MACF1: variants seen among roughly 807,000 people sequenced by gnomAD.
The protein encoded by MACF1 is microtubule actin crosslinking factor 1.
In MACF1, 193 loss-of-function variants were observed where a neutral mutation model predicts 854.8. The observed-to-expected ratio is 0.23, with a 90% CI of 0.20 to 0.25. The LOEUF (loss-of-function observed/expected upper bound fraction) is 0.25. Among genes scored for constraint, MACF1 ranks in the 10% least tolerant of loss-of-function variants. MACF1 has a pLI of 1.00. For missense variants in MACF1, 7,722 were observed against 8,929.1 expected (o/e 0.86, Z 5.45); for synonymous variants, 3,185 against 3,226.7 (o/e 0.99, Z 0.44).
intron 2 of MACF1, among the ~76,000 whole-genome samples, chr1:39,123,460 G>A (rs1557467877): frequency 6.6e-6 from 1 of 151,590 alleles, no homozygotes; most frequent in Non-Finnish European, 1.5e-5. Flanking sequence ...CACCCGCCTC[G>A]GCATCCCAAA....
At chr1:39,278,790 C>T (rs2148374243) in intron 6 of MACF1, among the ~76,000 whole-genome samples, 1 of 152,222 alleles carries the variant, frequency 6.6e-6, no homozygotes, top group South Asian at 2.1e-4. Flanking sequence ...TAGGAAGAGC[C>T]GTGATCCATT....
intron 58 of MACF1, among the ~76,000 whole-genome samples, chr1:39,417,231 C>T (rs917450704): frequency 2.6e-5 from 4 of 152,132 alleles, no homozygotes; most frequent in African/African-American, 9.7e-5. Context: ...GCCAAAAACT[C>T]GTTTGCTTTT....
chr1:39,111,039 A>C (rs996505843), intron 2 of MACF1, among the ~76,000 whole-genome samples: 3 of 152,104 alleles, frequency 2.0e-5, no homozygotes, highest in East Asian at 3.9e-4. Context: ...TCAGCTTCTG[A>C]TAATTATATA....
Position 39,435,777 on chromosome 1 carries a change from A to G in MACF1, c.17988+16A>G, listed in dbSNP as rs765025636. ...GTCCACACAGGTATGTGTGTGTCTG[A>G]CACTCATAACCTTGAATTGTCTACT... On this transcript the variant is annotated intron_variant, in intron 70 of 100. Coordinates refer to ENST00000564288, the MANE Select transcript of MACF1 (RefSeq NM_001394062.1). 3.7e-6 allele frequency: 6 copies of G among 1,611,424 alleles called. No individual in the cohort carries two copies. The highest frequency in any genetic ancestry group is 5.1e-6 in the Non-Finnish European group (6 of 1,177,770).
chr1:39,125,056 G>T (rs911553892), intron 2 of MACF1, among the ~76,000 whole-genome samples: 1 of 151,922 alleles, frequency 6.6e-6, no homozygotes, highest in South Asian at 2.1e-4. Flanking sequence ...GTCGTCTTTG[G>T]GCCTATTTCC....
At chr1:39,393,187 AAAAAAAAAAATATAT>A (rs1272557923) in intron 58 of MACF1, among the ~76,000 whole-genome samples, 4 of 100,572 alleles carry the variant, frequency 4.0e-5, no homozygotes, top group Admixed American at 9.8e-5. Flanking sequence ...AGGGTAAAAA[AAAAAAAAAAATATAT>A]ATATATATAT....
chr1:39,204,855 T>A lies in MACF1; in HGVS notation c.-168T>A. On this transcript the variant is annotated 5_prime_UTR_variant, in exon 1 of 101. Transcript: ENST00000564288. Reference sequence around the variant, plus strand: ...TCTACTAGCGCCTGCTGAAAAACAGTCAGAAGTGAGATGGAGGAGAAGCTG... The same window carrying A: ...TCTACTAGCGCCTGCTGAAAAACAGACAGAAGTGAGATGGAGGAGAAGCTG... 1 of 600,866 alleles carries A rather than the reference T, an allele frequency of 1.7e-6. No individual in the cohort carries two copies. Among genetic ancestry groups the A allele is most frequent in the Non-Finnish European group, 3.0e-6 (1 of 338,088 alleles). The allele number at this position is 600,866 out of a possible 1,614,324, so 37.2% of individuals were successfully genotyped here. A position where few individuals can be genotyped will look rare whatever the true frequency, so the allele number is the denominator to read the frequency against.
intron 2 of MACF1, among the ~76,000 whole-genome samples, chr1:39,130,235 CA>C (rs1217591189): frequency 1.3e-5 from 2 of 152,144 alleles, no homozygotes; most frequent in African/African-American, 2.4e-5. Context: ...TAAATATAGC[CA>C]ACACCCTAAT....
intron 2 of MACF1, among the ~76,000 whole-genome samples, chr1:39,195,340 C>T (rs1053311728): frequency 1.3e-5 from 2 of 152,118 alleles, no homozygotes; most frequent in African/African-American, 4.8e-5. Flanking sequence ...AGTGTGCACC[C>T]GCCCCCATTC....
chr1:39,316,191 A>T (rs777137598), intron 27 of MACF1, among the ~76,000 whole-genome samples, 200 bp from the exon 28 acceptor site: 26 of 152,220 alleles, frequency 1.7e-4, no homozygotes, highest in Admixed American at 6.5e-5. Context: ...AATGCCACTT[A>T]GAACTTTATT....
In MACF1 at chr1:39,442,188, G is replaced by A; in HGVS notation, c.18816G>A (p.Glu6272=). 1 of 1,600,508 alleles carries A rather than the reference G, an allele frequency of 6.2e-7. No homozygotes were observed. Among genetic ancestry groups the A allele is most frequent in the East Asian group, 2.2e-5 (1 of 44,792 alleles). Residue 6272 remains glutamate (E), a synonymous_variant, in exon 76 of 101, where the codon GAG becomes GAA. Transcript: ENST00000564288. ...TTTACCAACAGCAAATTGAGATGGA[G>A]AAGCTTAATCACCAGGGTGAACTGA... The part of the protein sequence containing the change: ...VEVYQQQIEM[E]KLNHQGELML...
intron 26 of MACF1, among the ~76,000 whole-genome samples, chr1:39,313,613 A>G (rs1256808541): frequency 6.6e-6 from 1 of 150,774 alleles, no homozygotes; most frequent in Admixed American, 6.6e-5. Flanking sequence ...TTATGTCAAT[A>G]TATACTCATG....
rs1456618937 is a variant in MACF1 at position 39,335,737 on chromosome 1, C to T, written c.9149C>T (p.Pro3050Leu). 6.2e-7 allele frequency: 1 copy of T among 1,613,778 alleles called. No homozygotes were observed. Among genetic ancestry groups the T allele is most frequent in the African/African-American group, 1.3e-5 (1 of 74,900 alleles). The change falls in exon 37 of 101, where the codon CCT (proline) becomes CTT (leucine). Residue 3050 changes from proline to leucine, a missense_variant. By Grantham distance (98) the Pro-to-Leu change is moderately conservative (BLOSUM62 -3). Around this residue, in one of 15 missense-constraint regions of MACF1, gnomAD observed 854 missense variants for 852.6 expected, o/e 1.00. Coordinates refer to ENST00000564288, the MANE Select transcript of MACF1 (RefSeq NM_001394062.1). ...KIEESSSQVV[P>L]QGISVKHLDA... Reference sequence around the variant, plus strand: ...GAAGAGTCCTCTTCCCAAGTGGTACCTCAAGGAATTTCTGTAAAACATTTA... The same window carrying T: ...GAAGAGTCCTCTTCCCAAGTGGTACTTCAAGGAATTTCTGTAAAACATTTA...
intron 58 of MACF1, chr1:39,414,478 G>GT (rs1643196739): frequency 6.2e-7 from 1 of 1,613,894 alleles, no homozygotes; most frequent in Non-Finnish European, 8.5e-7. Flanking sequence ...TTCAGATGAG[G>GT]TAATTGTCCA....
intron 2 of MACF1, among the ~76,000 whole-genome samples, chr1:39,140,162 C>G (rs1482144267): frequency 6.6e-6 from 1 of 152,010 alleles, no homozygotes; most frequent in Non-Finnish European, 1.5e-5. Context: ...ACTGTGTTGC[C>G]CAGGCTGGTC....
At chr1:39,337,845 C>T (rs1646846199) in intron 38 of MACF1, among the ~76,000 whole-genome samples, 1 of 151,726 alleles carries the variant, frequency 6.6e-6, no homozygotes, top group African/African-American at 2.4e-5. Context: ...TCTCGGCTCA[C>T]TGCAAGCTCT....
intron 52 of MACF1, chr1:39,372,798 A>C: frequency 2.1e-6 from 1 of 480,798 alleles, no homozygotes; most frequent in Non-Finnish European, 3.7e-6. Flanking sequence ...ATTCCTTCCC[A>C]TGATGGAAAA....
intron 5 of MACF1, among the ~76,000 whole-genome samples, chr1:39,256,719 A>G (rs1486597706): frequency 6.6e-6 from 1 of 152,136 alleles, no homozygotes; most frequent in Non-Finnish European, 1.5e-5. Flanking sequence ...AGGGTGTGTC[A>G]GGGCACATTG....
rs760483702 is a variant in MACF1, at chr1:39,424,199, G to A, written c.16316+5G>A. 2.4e-5 allele frequency: 38 copies of A among 1,610,968 alleles called. No individual in the cohort carries two copies. In the South Asian group the frequency reaches 3.9e-4, roughly 16 times the overall value. ...ACTCAGTAAGGCAGCAGCCAGGTAAGATCAAAGGAATTTTGAGGAGTGGGT... is the reference window on the plus strand; with the variant it reads ...ACTCAGTAAGGCAGCAGCCAGGTAAAATCAAAGGAATTTTGAGGAGTGGGT... On this transcript the variant is annotated splice_donor_5th_base_variant and intron_variant, in intron 61 of 100. Transcript: ENST00000564288.
Sources: allele counts gnomAD v4.1 joint callset (sites outside exome capture counted in the v4.1 genomes callset), GRCh38; gene constraint gnomAD v4.1.1; regional missense constraint gnomAD v4.1.1; transcripts MANE v1.5; gene names NCBI Gene and HGNC (gene_info 2026-07-23, HGNC 2026-07-21).